PDE4D: variants seen among roughly 807,000 people sequenced by gnomAD.
PDE4D encodes 3',5'-cyclic-AMP phosphodiesterase 4D.
A neutral mutation model predicts 87.4 loss-of-function variants in PDE4D; 24 were observed. The ratio of observed to expected loss-of-function variants is 0.27; its 90% confidence interval spans 0.20 to 0.39. The LOEUF is 0.39. Among genes scored for constraint, PDE4D ranks in the 10% least tolerant of loss-of-function variants. PDE4D has a pLI of 1.00. For missense variants in PDE4D, 714 were observed against 1,041.0 expected, an observed-to-expected ratio of 0.69 and a Z score of 4.32; for synonymous variants, 384 against 383.2, an observed-to-expected ratio of 1.00 and a Z score of -0.02.
chr5:59,227,591 C>T (rs1754089467), intron 1 of PDE4D, among the ~76,000 whole-genome samples: 1 of 152,068 alleles, frequency 6.6e-6, no homozygotes, highest in Admixed American at 6.6e-5. Context: ...GGGCAAAGGA[C>T]ATGAACATTT....
chr5:60,142,568 C>T (rs907960782), intron 2 of PDE4D, among the ~76,000 whole-genome samples: 8 of 152,154 alleles, frequency 5.3e-5, no homozygotes, highest in African/African-American at 1.9e-4. Context: ...TTGGCAGAAA[C>T]ACCAGCATGA....
intron 1 of PDE4D, among the ~76,000 whole-genome samples, chr5:59,447,422 T>C (rs988060834): frequency 6.6e-6 from 1 of 152,202 alleles, no homozygotes; most frequent in Non-Finnish European, 1.5e-5. Flanking sequence ...AGGGTGTCCA[T>C]TGTGCACCAA....
chr5:59,361,155 C>T (rs745490066), intron 1 of PDE4D, among the ~76,000 whole-genome samples: 11 of 151,734 alleles, frequency 7.2e-5, no homozygotes, highest in South Asian at 2.1e-4. Flanking sequence ...TTGGATAAAG[C>T]CTACTTGGAT....
chr5:59,594,619 G>A (rs895862794), intron 1 of PDE4D, among the ~76,000 whole-genome samples: 7 of 151,918 alleles, frequency 4.6e-5, no homozygotes, highest in Admixed American at 1.3e-4. Flanking sequence ...ACCATGCCTG[G>A]CCCACCCATA....
intron 1 of PDE4D, among the ~76,000 whole-genome samples, chr5:60,404,159 TTC>T (rs542582263): frequency 4.4e-5 from 5 of 114,932 alleles, no homozygotes; most frequent in Admixed American, 2.8e-4. Context: ...AGTCAGCCAA[TTC>T]TTTTTTTTTT....
chr5:60,237,975 A>G (rs1167478459), intron 1 of PDE4D, among the ~76,000 whole-genome samples: 3 of 151,782 alleles, frequency 2.0e-5, no homozygotes, highest in African/African-American at 7.2e-5. Context: ...GAGCCCATTT[A>G]CCTCCTTCCC....
chr5:59,643,233 C>A (rs956063833), intron 1 of PDE4D, among the ~76,000 whole-genome samples: 2 of 152,104 alleles, frequency 1.3e-5, no homozygotes, highest in African/African-American at 4.8e-5. Context: ...ACTGCCTGAC[C>A]TGAAAGTCTC....
intron 2 of PDE4D, among the ~76,000 whole-genome samples, chr5:60,156,696 C>A (rs1307030255): frequency 1.3e-5 from 2 of 152,020 alleles, no homozygotes; most frequent in Non-Finnish European, 2.9e-5. Context: ...CTTACCTGCC[C>A]TAGTTTCTGT....
chr5:60,214,851 T>C (rs1226668105), intron 1 of PDE4D, among the ~76,000 whole-genome samples: 1 of 152,184 alleles, frequency 6.6e-6, no homozygotes. Context: ...GGAATCTCTG[T>C]GCCCCAGAAG....
At chr5:59,972,412 A>G (rs1179494889) in intron 3 of PDE4D, among the ~76,000 whole-genome samples, 2 of 152,238 alleles carry the variant, frequency 1.3e-5, no homozygotes, top group Admixed American at 1.3e-4. Flanking sequence ...AATATAGGTG[A>G]CAATAATATA....
chr5:60,444,971 G>C (rs1745529678), intron 1 of PDE4D, among the ~76,000 whole-genome samples: 1 of 151,342 alleles, frequency 6.6e-6, no homozygotes, highest in African/African-American at 2.4e-5. Flanking sequence ...TTCAGAAATT[G>C]CTTGGACTTC....
chr5:59,998,884 G>A (rs1380452558), intron 2 of PDE4D, among the ~76,000 whole-genome samples: 3 of 152,204 alleles, frequency 2.0e-5, no homozygotes, highest in East Asian at 1.9e-4. Flanking sequence ...CTATTGGGAA[G>A]AGAACAATTA....
chr5:59,964,065 A>G (rs779619760), intron 3 of PDE4D, among the ~76,000 whole-genome samples: 2 of 152,158 alleles, frequency 1.3e-5, no homozygotes, highest in Non-Finnish European at 2.9e-5. Flanking sequence ...TTATACCCAT[A>G]TTTGGAACAG....
intron 5 of PDE4D, among the ~76,000 whole-genome samples, chr5:59,078,169 A>G (rs1766040287): frequency 6.6e-6 from 1 of 152,238 alleles, no homozygotes; most frequent in South Asian, 2.1e-4. Context: ...TGTTTAGTGT[A>G]GTATGGTTTG....
intron 1 of PDE4D, among the ~76,000 whole-genome samples, chr5:59,418,333 T>C (rs1393539325): frequency 6.6e-6 from 1 of 152,232 alleles, no homozygotes; most frequent in African/African-American, 2.4e-5. Context: ...GTTCAATAAA[T>C]TCTGACCACA....
At chr5:59,422,766 C>A (rs1197727881) in intron 1 of PDE4D, among the ~76,000 whole-genome samples, 1 of 152,070 alleles carries the variant, frequency 6.6e-6, no homozygotes. Flanking sequence ...TTTTGGCAAG[C>A]GAGAGGCTGC....
chr5:59,944,410 T>C (rs1757512459), intron 3 of PDE4D, among the ~76,000 whole-genome samples: 1 of 152,218 alleles, frequency 6.6e-6, no homozygotes, highest in South Asian at 2.1e-4. Context: ...TCTCGCTCTG[T>C]CGCCCAGTCT....
intron 1 of PDE4D, chr5:60,430,123 A>C (rs1744091326): frequency 1.9e-6 from 1 of 524,824 alleles, no homozygotes; most frequent in South Asian, 1.4e-5. Context: ...CTTCAGGGCA[A>C]GTTTCCGGAG....
At chr5:58,999,483 T>A (rs1438406198) in intron 6 of PDE4D, 1 of 1,491,394 alleles carries the variant, frequency 6.7e-7, no homozygotes, top group Non-Finnish European at 9.2e-7. Context: ...GCTAAGTAAG[T>A]CTTACCTTTA....
Sources: allele counts gnomAD v4.1 joint callset (sites outside exome capture counted in the v4.1 genomes callset), GRCh38; gene constraint gnomAD v4.1.1; transcripts MANE v1.5; gene names NCBI Gene and HGNC (gene_info 2026-07-23, HGNC 2026-07-21).